JAK1: variants seen among roughly 807,000 people sequenced by gnomAD.
The protein encoded by JAK1 is tyrosine-protein kinase JAK1.
Under a neutral mutation model 136.6 loss-of-function variants are expected in JAK1, and 16 were observed. The observed-to-expected ratio is 0.12, with a 90% CI of 0.08 to 0.18. The LOEUF (loss-of-function observed/expected upper bound fraction) is 0.18, where lower values mean the gene tolerates loss of function less well. Ranked by LOEUF, JAK1 falls within the 10% of genes least tolerant of loss-of-function variation. JAK1 has a pLI of 1.00. For synonymous variants in JAK1, 492 were observed against 519.5 expected, an observed-to-expected ratio of 0.95 and a Z score of 0.72; for missense variants, 859 against 1,450.1, an observed-to-expected ratio of 0.59 and a Z score of 6.62.
At position 65,007,601 on chromosome 1, in the gene JAK1, C is replaced by T. The variant is rs534146330; in HGVS notation, c.-78+36879G>A. 2.6e-5 allele frequency among the ~76,000 whole-genome samples: 4 copies of T among 152,276 alleles called. No individual in the cohort carries two copies. In the South Asian group the frequency reaches 8.3e-4, roughly 32 times the overall value. On this transcript the variant is annotated intron_variant, in intron 2 of 25. Transcript: ENST00000671954. The stretch of plus-strand genomic sequence containing the variant: ...TCAGCCTCCCAAGTAGCTGGGACTA[C>T]AGGCGCATGCCACCACGCCCAGCTA...
At chr1:64,836,737 TC>T (rs1654503054) in intron 22 of JAK1, among the ~76,000 whole-genome samples, 1 of 152,312 alleles carries the variant, frequency 6.6e-6, no homozygotes, top group East Asian at 1.9e-4. Context: ...ACTCTCCCAG[TC>T]CCTGTCCTAA....
rs75586478 is a variant in JAK1 at position 64,937,792 on chromosome 1, A to G, written c.-78+28541T>C. 7.1e-3 allele frequency among the ~76,000 whole-genome samples: 1,087 copies of G among 152,336 alleles called. 6 individuals are homozygous for G. The highest frequency in any genetic ancestry group is 0.025 in the African/African-American group (1,035 of 41,578). ...AACATTTGATATTCTACCTTGGAAC[A>G]AGGAAACCCAACCATCGATCACTCC... On this transcript the variant is annotated intron_variant, in intron 1 of 24. Coordinates refer to ENST00000342505, the MANE Select transcript of JAK1 (RefSeq NM_002227.4).
chr1:64,896,438 C>G (rs752311899), intron 1 of JAK1, among the ~76,000 whole-genome samples: 3 of 152,062 alleles, frequency 2.0e-5, no homozygotes, highest in Non-Finnish European at 4.4e-5. Flanking sequence ...GGAATAAAAG[C>G]ATAGAAAAAG....
intron 2 of JAK1, among the ~76,000 whole-genome samples, chr1:64,999,341 AC>A (rs1220196965): frequency 3.3e-5 from 5 of 152,078 alleles, no homozygotes; most frequent in African/African-American, 1.2e-4. Context: ...ATACCTGGGC[AC>A]CTTGTTTCTG....
intron 1 of JAK1, among the ~76,000 whole-genome samples, chr1:64,909,780 C>T (rs1386386255): frequency 6.6e-6 from 1 of 152,110 alleles, no homozygotes; most frequent in Non-Finnish European, 1.5e-5. Flanking sequence ...GCTGTGACAG[C>T]ACCTCTGCAC....
At position 64,841,289 on chromosome 1, in the gene JAK1, G is replaced by T. The variant is rs1240735714; in HGVS notation, c.2605C>A (p.His869Asn). 3 of 1,614,148 alleles carry T rather than the reference G, an allele frequency of 1.9e-6. No homozygotes were observed. Among genetic ancestry groups the T allele is most frequent in the Non-Finnish European group, 2.5e-6 (3 of 1,179,986 alleles). ...KKPATEVDPT[H>N]FEKRFLKRIR... ...CTCTTTAGGAAGCGCTTTTCAAAAT[G>T]TGTGGGGTCCACTTCAGTTGCTGGT... is the stretch of plus-strand genomic sequence containing the variant. The change falls in exon 19 of 25, where the codon CAT becomes AAT. Residue 869 changes from histidine (H) to asparagine (N), a missense_variant. By Grantham distance (68) the His-to-Asn change is moderately conservative. Transcript: ENST00000342505.
chr1:65,019,125 C>A (rs1415347469), intron 2 of JAK1, among the ~76,000 whole-genome samples: 1 of 151,970 alleles, frequency 6.6e-6, no homozygotes. Flanking sequence ...ATTCCAGGAC[C>A]AGAAGCCTTT....
intron 11 of JAK1, among the ~76,000 whole-genome samples, chr1:64,854,871 G>A (rs1290018717): frequency 6.6e-6 from 1 of 151,904 alleles, no homozygotes; most frequent in Non-Finnish European, 1.5e-5. Context: ...GTTTGCACGT[G>A]CCGAGATGCC....
chr1:64,850,483 G>A (rs950703298), intron 12 of JAK1, among the ~76,000 whole-genome samples: 10 of 152,222 alleles, frequency 6.6e-5, no homozygotes, highest in Admixed American at 3.3e-4. Context: ...GCAGCGAGGT[G>A]TGATGGCCAT....
At chr1:65,044,408 C>T (rs1647165003) in intron 2 of JAK1, among the ~76,000 whole-genome samples, 1 of 152,110 alleles carries the variant, frequency 6.6e-6, no homozygotes, top group Admixed American at 6.5e-5. Flanking sequence ...TATTGTCTAC[C>T]TTAGAGAAAG....
intron 24 of JAK1, among the ~76,000 whole-genome samples, 178 bp from the exon 25 acceptor site, chr1:64,834,835 C>T (rs527831318): frequency 6.6e-6 from 1 of 152,284 alleles, no homozygotes; most frequent in South Asian, 2.1e-4. Flanking sequence ...AACTCTAGTT[C>T]ATAAATAATA....
intron 5 of JAK1, among the ~76,000 whole-genome samples, chr1:64,872,538 T>C (rs1309736636): frequency 2.0e-5 from 3 of 152,238 alleles, no homozygotes; most frequent in Non-Finnish European, 4.4e-5. Context: ...ATCATTTTAT[T>C]TGCTTGTTTT....
Position 65,017,722 on chromosome 1 carries a change from G to A in JAK1, c.-78+26758C>T, listed in dbSNP as rs181507405. On this transcript the variant is annotated intron_variant, in intron 2 of 25. Transcript: ENST00000671954. ...AATCAATAATAAAAAGGTAAACAGA[G>A]CATCTCCATGTTTGGAAAATTAAAA... 3.2e-4 allele frequency among the ~76,000 whole-genome samples: 48 copies of A among 151,756 alleles called. 2 individuals are homozygous for A. The East Asian group carries it at 7.7e-3, about 24-fold the overall frequency.
At chr1:64,852,288 C>T (rs936229083) in intron 11 of JAK1, among the ~76,000 whole-genome samples, 1 of 152,158 alleles carries the variant, frequency 6.6e-6, no homozygotes, top group East Asian at 1.9e-4. Flanking sequence ...CCAGGCAGTT[C>T]GTAATCTTAG....
chr1:64,834,761 C>G (rs1413351107), intron 24 of JAK1, 104 bp from the exon 25 acceptor site: 1 of 742,420 alleles, frequency 1.3e-6, no homozygotes, highest in Non-Finnish European at 2.3e-6. Flanking sequence ...AATGCAATGA[C>G]TTTTCCTTAA....
chr1:64,967,144 C>CTTTACATTTTTCATTTT (rs1553176537), upstream of JAK1, among the ~76,000 whole-genome samples: 2 of 151,684 alleles, frequency 1.3e-5, no homozygotes, highest in Non-Finnish European at 2.9e-5. Flanking sequence ...TCATTTTTTA[C>CTTTACATTTTTCATTTT]TAATAACCTC....
At chr1:64,910,487 A>G (rs937498049) in intron 1 of JAK1, among the ~76,000 whole-genome samples, 7 of 152,224 alleles carry the variant, frequency 4.6e-5, no homozygotes, top group Admixed American at 3.9e-4. Flanking sequence ...AATTTCATCT[A>G]GAGCTTTTGT....
At chr1:65,012,319 C>T (rs1003291372) in intron 2 of JAK1, among the ~76,000 whole-genome samples, 2 of 151,988 alleles carry the variant, frequency 1.3e-5, no homozygotes. Context: ...GCAAAGATAC[C>T]AACAGAAGAC....
rs2101262419 is a variant in JAK1 at position 64,883,205 on chromosome 1, G to A, written c.205+72C>T. ...TTTCTGCCCAGCAGCGCTACAAGGG[G>A]CAGAGACCCCCAGATCTTCTGAACT... On this transcript the variant is annotated intron_variant, in intron 3 of 24. Transcript: ENST00000342505. 4 of 1,288,186 alleles carry A rather than the reference G, an allele frequency of 3.1e-6. No individual in the cohort carries two copies. The East Asian group carries it at 7.5e-5, about 24-fold the overall frequency. The allele number at this position is 1,288,186 out of a possible 1,614,324, so 79.8% of individuals were successfully genotyped here. A position where few individuals can be genotyped will look rare whatever the true frequency, so the allele number is the denominator to read the frequency against.
Sources: allele counts gnomAD v4.1 joint callset (sites outside exome capture counted in the v4.1 genomes callset), GRCh38; gene constraint gnomAD v4.1.1; transcripts MANE v1.5; gene names NCBI Gene and HGNC (gene_info 2026-07-23, HGNC 2026-07-21).